The following FARSB variants were observed in gnomAD, a reference collection of about 807,000 sequenced individuals.
FARSB encodes the protein phenylalanine--tRNA ligase beta subunit.
Under a neutral mutation model 69.6 loss-of-function variants are expected in FARSB, and 40 were observed. The ratio of observed to expected loss-of-function variants is 0.57; its 90% CI spans 0.45 to 0.75. The LOEUF (loss-of-function observed/expected upper bound fraction) is 0.75, where lower values mean the gene tolerates loss of function less well. Ranked by LOEUF, FARSB falls within the 30% of genes least tolerant of loss-of-function variation. The pLI, the probability that FARSB is intolerant of heterozygous loss-of-function variation, is 0.00. For synonymous variants in FARSB, 235 were observed against 247.2 expected (o/e 0.95, Z 0.46); for missense variants, 632 against 722.9 (o/e 0.87, Z 1.44).
At chr2:222,618,810 G>A (rs996142082) in intron 14 of FARSB, among the ~76,000 whole-genome samples, 1 of 152,144 alleles carries the variant, frequency 6.6e-6, no homozygotes, top group Admixed American at 6.5e-5. Flanking sequence ...AAGGAACTGG[G>A]AACAGGTTTT....
At chr2:222,593,178 G>A (rs1162381978) in intron 16 of FARSB, among the ~76,000 whole-genome samples, 1 of 151,928 alleles carries the variant, frequency 6.6e-6, no homozygotes, top group African/African-American at 2.4e-5. Flanking sequence ...GGCGGAACTG[G>A]TTCTTAGAGG....
rs536332302 is a variant in FARSB, at chr2:222,608,556, A to G, written c.1462+5255T>C. Reference sequence around the variant, plus strand: ...TTGTTCTGTGATGGCCTTGGTGGTCAAGGGAGGAGAAAGGAACAAGAATCT... The same window carrying G: ...TTGTTCTGTGATGGCCTTGGTGGTCGAGGGAGGAGAAAGGAACAAGAATCT... On this transcript the variant is annotated intron_variant, in intron 15 of 16. Transcript: ENST00000281828. 5.3e-5 allele frequency among the ~76,000 whole-genome samples: 8 copies of G among 152,330 alleles called. No homozygotes were observed. The South Asian group carries it at 1.7e-3, about 32-fold the overall frequency.
At chr2:222,635,493 A>G (rs569186412) in intron 5 of FARSB, among the ~76,000 whole-genome samples, 8 of 152,360 alleles carry the variant, frequency 5.3e-5, no homozygotes, top group Non-Finnish European at 7.4e-5. Context: ...TCAATTAGTC[A>G]TATGCTTACA....
intron 8 of FARSB, among the ~76,000 whole-genome samples, chr2:222,631,010 C>G (rs1453006331): frequency 2.0e-5 from 3 of 152,094 alleles, no homozygotes; most frequent in African/African-American, 4.8e-5. Context: ...TTAACTGCCA[C>G]CTCATTTAAC....
chr2:222,642,769 A>G, intron 3 of FARSB, 82 bp downstream of exon 3: 1 of 1,116,532 alleles, frequency 9.0e-7, no homozygotes, highest in Non-Finnish European at 1.3e-6. Context: ...TTTCCTAGAA[A>G]TTTAAACATG....
intron 13 of FARSB, among the ~76,000 whole-genome samples, chr2:222,620,152 T>C (rs977646423): frequency 3.9e-5 from 6 of 152,190 alleles, no homozygotes; most frequent in Admixed American, 3.3e-4. Context: ...TATGTTTCCC[T>C]ACCTTACCTG....
chr2:222,588,930 A>C (rs559828916), intron 16 of FARSB, among the ~76,000 whole-genome samples: 103 of 152,314 alleles, frequency 6.8e-4, no homozygotes, highest in African/African-American at 2.4e-3. Flanking sequence ...AAATGGCCAT[A>C]CTGCCCAAGG....
At position 222,624,570 on chromosome 2, in the gene FARSB, T is replaced by G. The variant is rs1574939731; in HGVS notation, c.963-91A>C. The G allele has an allele frequency of 1.3e-5, 13 of 983,482 alleles. No individual in the cohort carries two copies. The South Asian group carries it at 1.8e-4, about 13-fold the overall frequency. 60.9% of individuals were successfully genotyped at this position (983,482 alleles called of 1,614,324 possible). ...CAACATATGCTACTAGCTGAAACAG[T>G]AACCTTTCTTTTTGAGTTCTATCAG... On this transcript the variant is annotated intron_variant, in intron 11 of 16. Coordinates refer to ENST00000281828, the MANE Select transcript of FARSB (RefSeq NM_005687.5).
chr2:222,579,507 A>G (rs924660132), intron 16 of FARSB, among the ~76,000 whole-genome samples: 1 of 152,208 alleles, frequency 6.6e-6, no homozygotes, highest in Non-Finnish European at 1.5e-5. Flanking sequence ...TAAATTTCAG[A>G]TTCTTGAAAC....
At chr2:222,580,657 C>T (rs774873551) in intron 16 of FARSB, among the ~76,000 whole-genome samples, 26 of 152,042 alleles carry the variant, frequency 1.7e-4, no homozygotes, top group Non-Finnish European at 3.4e-4. Context: ...AAAAAACTTT[C>T]TCCTGCATAA....
At chr2:222,642,556 C>T (rs760999042) in intron 3 of FARSB, among the ~76,000 whole-genome samples, 8 of 152,170 alleles carry the variant, frequency 5.3e-5, no homozygotes, top group Non-Finnish European at 7.3e-5. Flanking sequence ...AATTAGATCA[C>T]GGAGGGGAAT....
chr2:222,647,185 C>T (rs1334477939), intron 2 of FARSB, among the ~76,000 whole-genome samples: 1 of 152,158 alleles, frequency 6.6e-6, no homozygotes, highest in East Asian at 1.9e-4. Context: ...TCATCTAGAT[C>T]CTTCCAGGAC....
Position 222,572,030 on chromosome 2 carries a change from A to G in FARSB, c.1619-8T>C. On this transcript the variant is annotated splice_region_variant and splice_polypyrimidine_tract_variant and intron_variant, in intron 16 of 16. Transcript: ENST00000281828. ...CGGGGAAGAAAGCAGGCCCTGAAAA[A>G]GAGAAAGTAAGAGAAAAATCAATGT... The G allele has an allele frequency of 1.9e-6, 3 of 1,603,982 alleles. No homozygotes were observed. Among genetic ancestry groups the G allele is most frequent in the Non-Finnish European group, 2.5e-6 (3 of 1,177,292 alleles).
intron 8 of FARSB, among the ~76,000 whole-genome samples, chr2:222,630,380 T>A (rs1159241079): frequency 1.3e-5 from 2 of 152,222 alleles, no homozygotes; most frequent in Non-Finnish European, 2.9e-5. Flanking sequence ...CTGACAGTTA[T>A]AATCCATGAC....
intron 16 of FARSB, among the ~76,000 whole-genome samples, chr2:222,594,414 A>C (rs1690358965): frequency 6.6e-6 from 1 of 152,200 alleles, no homozygotes; most frequent in South Asian, 2.1e-4. Context: ...TATAAAGTGA[A>C]ATGTTAATCA....
intron 16 of FARSB, among the ~76,000 whole-genome samples, chr2:222,582,739 C>T (rs1319349019): frequency 6.6e-6 from 1 of 151,960 alleles, no homozygotes; most frequent in African/African-American, 2.4e-5. Context: ...GCCTGGCCAA[C>T]ATGACGAAAC....
At chr2:222,593,730 G>A (rs1333858294) in intron 16 of FARSB, among the ~76,000 whole-genome samples, 2 of 151,764 alleles carry the variant, frequency 1.3e-5, no homozygotes, top group African/African-American at 4.8e-5. Flanking sequence ...AATTAGCCAG[G>A]CATGGTGGTA....
chr2:222,616,392 C>T (rs1295707552), intron 14 of FARSB, among the ~76,000 whole-genome samples: 1 of 151,902 alleles, frequency 6.6e-6, no homozygotes, highest in Non-Finnish European at 1.5e-5. Flanking sequence ...ACTAAAAATA[C>T]AAAAATTAGC....
chr2:222,583,010 G>A (rs1233494100), intron 16 of FARSB, among the ~76,000 whole-genome samples: 1 of 151,862 alleles, frequency 6.6e-6, no homozygotes, highest in Non-Finnish European at 1.5e-5. Context: ...ACTAACACAG[G>A]AACAGAAAAC....
Sources: gnomAD v4.1 joint callset for allele counts (sites outside exome capture counted in the v4.1 genomes callset) on GRCh38, gnomAD v4.1.1 for gene constraint, MANE v1.5 for transcripts, NCBI Gene and HGNC (gene_info 2026-07-23, HGNC 2026-07-21) for gene names.